The following BID variants were observed in gnomAD, a reference collection of about 807,000 sequenced individuals.
BID encodes the protein BH3-interacting domain death agonist.
Under a neutral mutation model 17.4 loss-of-function variants are expected in BID, and 19 were observed. That is an observed-to-expected ratio of 1.09 (90% CI 0.76 to 1.60). BID has a LOEUF of 1.60. BID is among the 40% of genes most tolerant of loss of function. The probability of loss-of-function intolerance (pLI) is 0.00; values close to 1 mark genes in which losing one functional copy is unlikely to be tolerated. For missense variants in BID, 226 were observed against 256.0 expected, an observed-to-expected ratio of 0.88 and a Z score of 0.80; for synonymous variants, 108 against 102.8, an observed-to-expected ratio of 1.05 and a Z score of -0.31.
chr22:17,762,577 G>T (rs2061647520), intron 1 of BID, among the ~76,000 whole-genome samples: 2 of 109,000 alleles, frequency 1.8e-5, no homozygotes, highest in African/African-American at 1.1e-4. Context: ...TGGAGACAGG[G>T]TCTCACTCTG....
rs113818489 is a variant in BID, at chr22:17,769,537, G to C, written c.-59+4844C>G. Among the ~76,000 whole-genome samples, 55 of 152,262 alleles carry C rather than the reference G, an allele frequency of 3.6e-4. No homozygotes were observed. The highest frequency in any genetic ancestry group is 1.3e-3 in the African/African-American group (53 of 41,472). On this transcript the variant is annotated intron_variant, in intron 1 of 5. Coordinates refer to ENST00000622694, the MANE Select transcript of BID (RefSeq NM_001196.4). The surrounding 1 kb of genome is among the most constrained non-coding windows in gnomAD (Gnocchi z 4.8). ...GCCGGAAGGGTGTGTGGGCCACAGA[G>C]AAGCACCCTGAGGCTGTGCTGTCAT...
intron 1 of BID, among the ~76,000 whole-genome samples, chr22:17,751,779 T>C (rs1245203941): frequency 6.6e-6 from 1 of 152,140 alleles, no homozygotes; most frequent in African/African-American, 2.4e-5. Context: ...GTGCATTTCA[T>C]AGGAAGGGAC....
In BID at chr22:17,750,091, A is replaced by G; in HGVS notation, c.12+14T>C. The G allele has an allele frequency of 1.2e-6, 2 of 1,611,788 alleles. No homozygotes were observed. The highest frequency in any genetic ancestry group is 1.1e-5 in the South Asian group (1 of 90,730). On this transcript the variant is annotated intron_variant, in intron 2 of 5. Coordinates refer to ENST00000622694, the MANE Select transcript of BID (RefSeq NM_001196.4). Reference sequence around the variant, plus strand: ...GCCCCCCACAAGGCACCCGCAGGGGATCTGGCCTCTGACCTCACAGTCCAT... The same window carrying G: ...GCCCCCCACAAGGCACCCGCAGGGGGTCTGGCCTCTGACCTCACAGTCCAT...
At chr22:17,771,433 C>A (rs62238876) in intron 1 of BID, among the ~76,000 whole-genome samples, 1 of 151,908 alleles carries the variant, frequency 6.6e-6, no homozygotes, top group Non-Finnish European at 1.5e-5. Flanking sequence ...TTCCCACCCC[C>A]ACCCTGGCCA....
chr22:17,770,737 C>T (rs1208190658), intron 1 of BID, among the ~76,000 whole-genome samples: 3 of 152,242 alleles, frequency 2.0e-5, no homozygotes, highest in Non-Finnish European at 2.9e-5. Flanking sequence ...CACCAGGCCA[C>T]GGCACACTTT....
At chr22:17,750,066 G>GC in intron 2 of BID, 39 bp downstream of exon 2, 2 of 1,597,908 alleles carry the variant, frequency 1.3e-6, no homozygotes, top group Non-Finnish European at 1.7e-6. Flanking sequence ...CCTCGACCCC[G>GC]CCCCCCACAA....
intron 1 of BID, among the ~76,000 whole-genome samples, chr22:17,755,525 G>A (rs181411): frequency 0.17 from 25,946 of 152,062 alleles, 2,489 homozygotes; most frequent in Middle Eastern, 0.23. Flanking sequence ...TTTGGAGGCC[G>A]GGCGTGGTGG....
At position 17,773,581 on chromosome 22, in the gene BID, G is replaced by A. The variant is rs752885735; in HGVS notation, c.-59+800C>T. ...CCTGCAGGTGAAGGCCGGTCCAGCCGCAGAAGGCCCAGCCCCCAGCCCACT... is the reference window on the plus strand; with the variant it reads ...CCTGCAGGTGAAGGCCGGTCCAGCCACAGAAGGCCCAGCCCCCAGCCCACT... On this transcript the variant is annotated intron_variant, in intron 1 of 5. Transcript: ENST00000622694. This position sits in a 1 kb window ranked among gnomAD's most constrained non-coding sequence, Gnocchi z 4.4. 2 of 1,611,026 alleles carry A rather than the reference G, an allele frequency of 1.2e-6. No individual in the cohort carries two copies.
At position 17,759,260 on chromosome 22, in the gene BID, C is replaced by A. The variant is rs1184798529; in HGVS notation, c.-58-9086G>T. 5.4e-3 allele frequency among the ~76,000 whole-genome samples: 393 copies of A among 72,458 alleles called. 2 individuals are homozygous for A. The highest frequency in any genetic ancestry group is 0.012 in the African/African-American group (267 of 21,598). 47.5% of individuals were successfully genotyped at this position (72,458 alleles called of 152,430 possible). On this transcript the variant is annotated intron_variant, in intron 1 of 5. Coordinates refer to ENST00000622694, the MANE Select transcript of BID (RefSeq NM_001196.4). ...AAAAAACAAAACAAAAAAAAAAAAA[C>A]AAAAGAACCAGGTGTGGGCTGGGTG...
At chr22:17,745,477 A>C (rs1185703254) in intron 2 of BID, among the ~76,000 whole-genome samples, 1 of 151,984 alleles carries the variant, frequency 6.6e-6, no homozygotes, top group Non-Finnish European at 1.5e-5. Context: ...CCTGGCAACA[A>C]GATCCCCATC....
intron 2 of BID, among the ~76,000 whole-genome samples, chr22:17,744,321 GC>G (rs1417271254): frequency 3.3e-5 from 5 of 152,212 alleles, no homozygotes; most frequent in African/African-American, 1.2e-4. Context: ...AGGTGAGAAG[GC>G]CACAGGCTGT....
chr22:17,752,443 C>T (rs959169113), intron 1 of BID, among the ~76,000 whole-genome samples: 5 of 152,206 alleles, frequency 3.3e-5, no homozygotes, highest in African/African-American at 1.2e-4. Context: ...CTAACCCATA[C>T]CAGTGTCATA....
chr22:17,762,590 A>C (rs1374452031), intron 1 of BID, among the ~76,000 whole-genome samples: 1 of 103,184 alleles, frequency 9.7e-6, no homozygotes, highest in Non-Finnish European at 1.8e-5. Context: ...TCACTCTGTC[A>C]AGCAGGCTAG....
chr22:17,771,783 A>ATGGGCTGG (rs374621725), intron 1 of BID, among the ~76,000 whole-genome samples: 5,280 of 152,238 alleles, frequency 0.035, 289 homozygotes, highest in African/African-American at 0.12. Context: ...GGGCTGTAGG[A>ATGGGCTGG]ACCTGCCAGC....
intron 3 of BID, 31 bp from the exon 4 acceptor site, chr22:17,739,519 G>A (rs909905425): frequency 1.6e-5 from 26 of 1,596,128 alleles, no homozygotes; most frequent in African/African-American, 2.7e-5. Context: ...CAGAGACAGA[G>A]CAGACTCAGA....
At chr22:17,735,710 C>T in intron 5 of BID, 119 bp from the exon 6 acceptor site, 1 of 1,190,958 alleles carries the variant, frequency 8.4e-7, no homozygotes, top group Non-Finnish European at 1.2e-6. Flanking sequence ...TTCTCCAGAC[C>T]CCTGAAGTCC....
At chr22:17,739,937 GTCCC>G in intron 3 of BID, 6 of 841,306 alleles carry the variant, frequency 7.1e-6, no homozygotes, top group Non-Finnish European at 1.1e-5. Context: ...ATTCCTCGCA[GTCCC>G]GTCTCAGGAA....
upstream of BID, chr22:17,774,542 G>A: frequency 6.5e-6 from 1 of 154,202 alleles, no homozygotes. Flanking sequence ...GCCCGCCCCC[G>A]GCGGCTTGCG....
chr22:17,755,109 G>T (rs1222209921), intron 1 of BID, among the ~76,000 whole-genome samples: 4 of 128,510 alleles, frequency 3.1e-5, no homozygotes, highest in Admixed American at 2.7e-4. Flanking sequence ...TTTTGAGTCG[G>T]AGTCTTGCTC....
Sources: gnomAD v4.1 joint callset for allele counts (sites outside exome capture counted in the v4.1 genomes callset) on GRCh38, gnomAD v4.1.1 for gene constraint, Gnocchi (gnomAD v3.1) non-coding constraint, MANE v1.5 for transcripts, NCBI Gene and HGNC (gene_info 2026-07-23, HGNC 2026-07-21) for gene names.